RUFY3: variants seen among roughly 807,000 people sequenced by gnomAD.
RUFY3 encodes the protein protein RUFY3.
A neutral mutation model predicts 84.0 loss-of-function variants in RUFY3; 34 were observed. That is an observed-to-expected ratio of 0.40 (90% CI 0.31 to 0.54). RUFY3 has a LOEUF of 0.54. RUFY3 is among the 20% of genes least tolerant of loss of function. RUFY3 has a pLI of 0.39. For missense variants in RUFY3, 507 were observed against 736.8 expected (o/e 0.69, Z 3.61); for synonymous variants, 242 against 252.9 (o/e 0.96, Z 0.41).
intron 1 of RUFY3, among the ~76,000 whole-genome samples, chr4:70,705,669 C>T (rs1577863565): frequency 6.6e-6 from 1 of 152,152 alleles, no homozygotes; most frequent in African/African-American, 2.4e-5. Flanking sequence ...TCCCGGGTCC[C>T]GGGCTGGGAA....
chr4:70,764,421 G>A, intron 3 of RUFY3, 54 bp from the exon 4 acceptor site: 1 of 1,192,818 alleles, frequency 8.4e-7, no homozygotes, highest in South Asian at 1.2e-5. Context: ...TTCTACTGTA[G>A]CCTTTGCTTC....
chr4:70,705,715 G>T (rs1256659595), intron 1 of RUFY3, among the ~76,000 whole-genome samples: 1 of 152,164 alleles, frequency 6.6e-6, no homozygotes, highest in South Asian at 2.1e-4. Context: ...GGCGGCGCCC[G>T]GAGACCCCGT....
intron 16 of RUFY3, chr4:70,803,220 G>C: frequency 2.5e-6 from 1 of 393,264 alleles, no homozygotes; most frequent in East Asian, 3.8e-5. Flanking sequence ...CCTGACATAA[G>C]ATCTAGGAGA....
chr4:70,790,686 C>G lies in RUFY3; in HGVS notation c.1337+1094C>G, dbSNP rs1047011535. Among the ~76,000 whole-genome samples the G allele has an allele frequency of 7.2e-5, 11 of 152,188 alleles. No individual in the cohort carries two copies. In the South Asian group the frequency reaches 8.3e-4, roughly 11 times the overall value. On this transcript the variant is annotated intron_variant, in intron 12 of 17. Transcript: ENST00000381006. ...TTTTAACTCTTTATATATGTCTCCT[C>G]CGATGCGAGTGTAAGCTCCCTGAGA... is the stretch of plus-strand genomic sequence containing the variant.
At chr4:70,744,893 G>C (rs964765981) in intron 1 of RUFY3, among the ~76,000 whole-genome samples, 1 of 151,906 alleles carries the variant, frequency 6.6e-6, no homozygotes, top group African/African-American at 2.4e-5. Context: ...GGCCTCAGGT[G>C]ATGCGCCCGC....
Position 70,722,704 on chromosome 4 carries a change from A to C in RUFY3, c.131A>C (p.Glu44Ala). ...SMDGEWLCLRELDDISLTPDP... is the reference protein window; with the variant it reads ...SMDGEWLCLRALDDISLTPDP... ...GATGGAGAATGGCTCTGCCTGCGAG[A>C]GCTGGATGACATCTCACTTACACCT... Residue 44 changes from glutamate (E) to alanine (A), a missense_variant, in exon 1 of 18, where the codon GAG becomes GCG. Physicochemically the swap from Glu to Ala is moderately radical, Grantham distance 107 (BLOSUM62 -1). Coordinates refer to ENST00000381006, the MANE Select transcript of RUFY3 (RefSeq NM_001037442.4). The C allele has an allele frequency of 6.2e-7, 1 of 1,614,076 alleles. No individual in the cohort carries two copies. The highest frequency in any genetic ancestry group is 8.5e-7 in the Non-Finnish European group (1 of 1,180,004).
chr4:70,726,993 T>A (rs1718361257), intron 1 of RUFY3, among the ~76,000 whole-genome samples: 1 of 149,692 alleles, frequency 6.7e-6, no homozygotes, highest in South Asian at 2.1e-4. Context: ...CAGACTTTTG[T>A]TTGTTTGTTT....
chr4:70,783,140 G>A lies in RUFY3; in HGVS notation c.944G>A (p.Arg315Gln). ...RIITLQEEME[R>Q]VKEESSYILE... ...ATTACCTTACAAGAAGAAATGGAACGAGTTAAAGAGGAAAGTTCCTACATA... is the reference window on the plus strand; with the variant it reads ...ATTACCTTACAAGAAGAAATGGAACAAGTTAAAGAGGAAAGTTCCTACATA... The change falls in exon 9 of 18, where the codon CGA (arginine) becomes CAA (glutamine). Residue 315 changes from arginine (R) to glutamine (Q), a missense_variant. By Grantham distance (43) the Arg-to-Gln change is conservative. This residue lies in a region of RUFY3 where 334 missense variants were observed against 364.1 expected (regional missense o/e 0.92). Transcript: ENST00000381006. 1.9e-6 allele frequency: 3 copies of A among 1,611,764 alleles called. No homozygotes were observed. The highest frequency in any genetic ancestry group is 1.1e-5 in the South Asian group (1 of 90,832).
chr4:70,801,165 A>C (rs1475922291), intron 15 of RUFY3, among the ~76,000 whole-genome samples: 2 of 125,020 alleles, frequency 1.6e-5, no homozygotes, highest in African/African-American at 6.7e-5. Context: ...TATGGAGACA[A>C]AAAAAAAAAA....
intron 1 of RUFY3, among the ~76,000 whole-genome samples, chr4:70,714,718 G>A (rs1197473868): frequency 2.0e-5 from 3 of 152,206 alleles, no homozygotes; most frequent in East Asian, 1.9e-4. Flanking sequence ...TACGTAAGAG[G>A]TATGCAAAAT....
intron 12 of RUFY3, 141 bp downstream of exon 12, chr4:70,789,733 G>T: frequency 7.5e-7 from 1 of 1,338,106 alleles, no homozygotes; most frequent in Non-Finnish European, 9.6e-7. Flanking sequence ...AAAGCCAGTT[G>T]AATGTTATGT....
At chr4:70,744,111 C>T (rs377110344) in intron 1 of RUFY3, among the ~76,000 whole-genome samples, 161 of 152,274 alleles carry the variant, frequency 1.1e-3, no homozygotes, top group South Asian at 4.4e-3. Flanking sequence ...TTTCTGGAGA[C>T]CTTCAACTGC....
At chr4:70,766,588 G>A (rs1725970506) in intron 4 of RUFY3, among the ~76,000 whole-genome samples, 1 of 152,088 alleles carries the variant, frequency 6.6e-6, no homozygotes, top group Non-Finnish European at 1.5e-5. Flanking sequence ...TTTTTAGAGT[G>A]GTTTTAAATT....
At chr4:70,725,902 G>T (rs1337317880) in intron 1 of RUFY3, among the ~76,000 whole-genome samples, 2 of 152,206 alleles carry the variant, frequency 1.3e-5, no homozygotes, top group African/African-American at 4.8e-5. Flanking sequence ...AGACTGGAAA[G>T]ATAAGCAGGG....
chr4:70,804,276 A>C, intron 16 of RUFY3, 72 bp from the exon 17 acceptor site: 1 of 1,253,304 alleles, frequency 8.0e-7, no homozygotes, highest in Non-Finnish European at 1.2e-6. Context: ...ATTGTAGGTA[A>C]AAAATGCATA....
At chr4:70,723,154 C>T (rs1427571939) in intron 1 of RUFY3, among the ~76,000 whole-genome samples, 1 of 152,024 alleles carries the variant, frequency 6.6e-6, no homozygotes, top group African/African-American at 2.4e-5. Context: ...TAGGATTGTA[C>T]ATGATGAATA....
chr4:70,763,370 G>A (rs1725349857), intron 2 of RUFY3, among the ~76,000 whole-genome samples, 182 bp from the exon 3 acceptor site: 1 of 152,088 alleles, frequency 6.6e-6, no homozygotes, highest in South Asian at 2.1e-4. Context: ...TGAGTCTTGG[G>A]AAGTAGAGAA....
At chr4:70,705,344 C>A (rs1025301306) in intron 1 of RUFY3, 1 of 1,256,198 alleles carries the variant, frequency 8.0e-7, no homozygotes, top group East Asian at 3.2e-5. Flanking sequence ...GAGCATTCGG[C>A]TGGGGAGGGC....
intron 12 of RUFY3, chr4:70,792,179 G>A: frequency 8.1e-6 from 8 of 985,166 alleles, no homozygotes; most frequent in Non-Finnish European, 9.6e-6. Flanking sequence ...TTCTTATATT[G>A]GAGTAAAAAG....
Sources: gnomAD v4.1 joint callset for allele counts (sites outside exome capture counted in the v4.1 genomes callset) on GRCh38, gnomAD v4.1.1 for gene constraint, gnomAD v4.1.1 regional missense constraint, MANE v1.5 for transcripts, NCBI Gene and HGNC (gene_info 2026-07-23, HGNC 2026-07-21) for gene names.